GNA14: variants seen among roughly 807,000 people sequenced by gnomAD.
GNA14 encodes the protein guanine nucleotide-binding protein subunit alpha-14.
GNA14 carries 50 observed loss-of-function variants against 42.0 expected under a neutral mutation model. The observed-to-expected ratio is 1.19, with a 90% confidence interval of 0.95 to 1.51. The LOEUF is 1.51. Among genes scored for constraint, GNA14 ranks in the 40% most tolerant of loss-of-function variants. The pLI is 0.00. For synonymous variants in GNA14, 173 were observed against 163.1 expected, an observed-to-expected ratio of 1.06 and a Z score of -0.46; for missense variants, 473 against 446.2, an observed-to-expected ratio of 1.06 and a Z score of -0.54.
chr9:77,474,347 T>A (rs1345602421), intron 2 of GNA14, among the ~76,000 whole-genome samples: 1 of 152,100 alleles, frequency 6.6e-6, no homozygotes, highest in South Asian at 2.1e-4. Flanking sequence ...AAAAATTTGA[T>A]TAGGCATTTC....
At chr9:77,564,018 G>A (rs879715008) in intron 1 of GNA14, among the ~76,000 whole-genome samples, 1 of 152,078 alleles carries the variant, frequency 6.6e-6, no homozygotes. Context: ...CCATCCCTCA[G>A]CTCGTTTGAT....
At chr9:77,646,640 T>C (rs1296834550) in intron 1 of GNA14, among the ~76,000 whole-genome samples, 1 of 152,200 alleles carries the variant, frequency 6.6e-6, no homozygotes, top group African/African-American at 2.4e-5. Flanking sequence ...ATAGATGGTA[T>C]AAGAGAAGAT....
chr9:77,556,904 A>C (rs2131785922), intron 1 of GNA14, among the ~76,000 whole-genome samples: 1 of 152,312 alleles, frequency 6.6e-6, no homozygotes, highest in South Asian at 2.1e-4. Context: ...AGCCTCTGGC[A>C]CTTTAAAGAT....
At chr9:77,606,951 C>T (rs1302472403) in intron 1 of GNA14, among the ~76,000 whole-genome samples, 1 of 152,076 alleles carries the variant, frequency 6.6e-6, no homozygotes, top group East Asian at 1.9e-4. Context: ...CAAGTGGGGA[C>T]ACAGTAAAAT....
At chr9:77,578,208 G>A (rs1012349900) in intron 1 of GNA14, among the ~76,000 whole-genome samples, 4 of 152,182 alleles carry the variant, frequency 2.6e-5, no homozygotes, top group East Asian at 3.9e-4. Context: ...CCTGGTATGC[G>A]GAGGTTGTAG....
chr9:77,565,255 T>C (rs1822948597), intron 1 of GNA14, among the ~76,000 whole-genome samples: 1 of 152,182 alleles, frequency 6.6e-6, no homozygotes, highest in Non-Finnish European at 1.5e-5. Context: ...TACTGAGTAT[T>C]TGAATGAGAC....
chr9:77,486,976 T>C (rs908621761), intron 2 of GNA14, among the ~76,000 whole-genome samples: 6 of 149,008 alleles, frequency 4.0e-5, no homozygotes, highest in South Asian at 2.1e-4. Flanking sequence ...ATGAACCCAA[T>C]AGACTTGCTC....
intron 2 of GNA14, among the ~76,000 whole-genome samples, chr9:77,452,756 G>A (rs1425069615): frequency 8.0e-5 from 12 of 150,834 alleles, no homozygotes; most frequent in Non-Finnish European, 1.6e-4. Context: ...CATCCCCAAC[G>A]TGGAGGTATT....
intron 5 of GNA14, 79 bp from the exon 6 acceptor site, chr9:77,425,794 C>T: frequency 9.6e-7 from 1 of 1,043,006 alleles, no homozygotes; most frequent in Non-Finnish European, 1.4e-6. Context: ...CCAGTCCATC[C>T]ATCTCTTCCC....
intron 2 of GNA14, among the ~76,000 whole-genome samples, chr9:77,441,955 A>G (rs908868129): frequency 2.6e-5 from 4 of 152,240 alleles, no homozygotes; most frequent in Non-Finnish European, 5.9e-5. Context: ...TCCTATAGAA[A>G]ATAAACAAGG....
chr9:77,447,420 CA>C (rs1835839220), intron 2 of GNA14, among the ~76,000 whole-genome samples: 1 of 152,162 alleles, frequency 6.6e-6, no homozygotes, highest in Non-Finnish European at 1.5e-5. Flanking sequence ...CTCTCTTCCC[CA>C]ATCAAAAAGT....
intron 1 of GNA14, among the ~76,000 whole-genome samples, chr9:77,541,030 T>A (rs1352989651): frequency 6.6e-6 from 1 of 152,150 alleles, no homozygotes; most frequent in Non-Finnish European, 1.5e-5. Context: ...TTCATTTCTT[T>A]TTCTCTTGTT....
rs973450900 is a variant in GNA14 at position 77,514,215 on chromosome 9, G to A, written c.309+14854C>T. On this transcript the variant is annotated intron_variant, in intron 2 of 6. Transcript: ENST00000341700. ...TGGAAAAAGACAAACATGGCCATGT[G>A]GACCCCTGTTGCTTTTTGCCCGATA... Among the ~76,000 whole-genome samples the A allele has an allele frequency of 2.6e-5, 4 of 152,202 alleles. No individual in the cohort carries two copies. The South Asian group carries it at 8.3e-4, about 32-fold the overall frequency.
chr9:77,614,000 T>C (rs527676155), intron 1 of GNA14, among the ~76,000 whole-genome samples: 13 of 152,332 alleles, frequency 8.5e-5, no homozygotes, highest in Non-Finnish European at 1.3e-4. Context: ...TGTTTGGAAA[T>C]AGAATGTATT....
chr9:77,618,620 A>ATTT (rs1163590134), intron 1 of GNA14, among the ~76,000 whole-genome samples: 16 of 10,406 alleles, frequency 1.5e-3, no homozygotes, highest in East Asian at 6.6e-3. Flanking sequence ...ATATATATAT[A>ATTT]TTTTTTTTTT....
intron 1 of GNA14, among the ~76,000 whole-genome samples, chr9:77,646,439 C>T (rs564743706): frequency 1.3e-5 from 2 of 152,102 alleles, no homozygotes; most frequent in East Asian, 3.9e-4. Flanking sequence ...GGGGCACACC[C>T]CCCCCCAACC....
chr9:77,445,569 A>AG (rs1311342427), intron 2 of GNA14, among the ~76,000 whole-genome samples: 2 of 151,208 alleles, frequency 1.3e-5, no homozygotes, highest in African/African-American at 4.9e-5. Flanking sequence ...AAAAAAAAAA[A>AG]AAAAGAAAGG....
chr9:77,466,636 G>C (rs190321303), intron 2 of GNA14, among the ~76,000 whole-genome samples: 69 of 152,130 alleles, frequency 4.5e-4, no homozygotes, highest in African/African-American at 1.5e-3. Flanking sequence ...TTGTTTGTTT[G>C]TTTCCCTTTC....
rs559729918 is a variant in GNA14, at chr9:77,535,667, GC to G, written c.125-6415del. Among the ~76,000 whole-genome samples the G allele has an allele frequency of 1.7e-4, 26 of 152,320 alleles. No homozygotes were observed. In the South Asian group the frequency reaches 4.8e-3, roughly 28 times the overall value. On this transcript the variant is annotated intron_variant, in intron 1 of 6. Coordinates refer to ENST00000341700, the MANE Select transcript of GNA14 (RefSeq NM_004297.4). ...GACAGCATCCAATGAGGGAGACGAT[GC>G]TCATTAAAAATGCAGATTCTTGGGC...
Sources: gnomAD v4.1 joint callset for allele counts (sites outside exome capture counted in the v4.1 genomes callset) on GRCh38, gnomAD v4.1.1 for gene constraint, MANE v1.5 for transcripts, NCBI Gene and HGNC (gene_info 2026-07-23, HGNC 2026-07-21) for gene names.